Variants in CLTCL1 observed in about 807,000 individuals in gnomAD.
CLTCL1 encodes the protein clathrin heavy chain like 1.
CLTCL1 carries 159 observed loss-of-function variants against 190.0 expected under a neutral mutation model. The ratio of observed to expected loss-of-function variants is 0.84; its 90% confidence interval spans 0.74 to 0.95. The LOEUF (loss-of-function observed/expected upper bound fraction) is 0.95, where lower values mean the gene tolerates loss of function less well. Ranked by LOEUF, CLTCL1 falls within the 40% of genes least tolerant of loss-of-function variation. The pLI, the probability that CLTCL1 is intolerant of heterozygous loss-of-function variation, is 0.00. For synonymous variants in CLTCL1, 752 were observed against 769.6 expected, an observed-to-expected ratio of 0.98 and a Z score of 0.38; for missense variants, 1,878 against 2,033.4, an observed-to-expected ratio of 0.92 and a Z score of 1.47.
chr22:19,291,473 AG>A (rs2088121145), intron 1 of CLTCL1, 126 bp downstream of exon 1: 1 of 873,126 alleles, frequency 1.1e-6, no homozygotes, highest in Non-Finnish European at 1.5e-6. Context: ...CCCAGGTGGG[AG>A]GTCGGAAATC....
intron 18 of CLTCL1, among the ~76,000 whole-genome samples, chr22:19,219,349 G>A (rs2085493671): frequency 6.6e-6 from 1 of 151,384 alleles, no homozygotes; most frequent in African/African-American, 2.4e-5. Flanking sequence ...GCCACACAGT[G>A]TGTTTTCGTA....
intron 18 of CLTCL1, among the ~76,000 whole-genome samples, chr22:19,216,591 TGAA>T (rs1305403638): frequency 2.0e-5 from 3 of 152,232 alleles, no homozygotes; most frequent in Non-Finnish European, 4.4e-5. Flanking sequence ...ACTTCTCTAA[TGAA>T]GACACCGCAG....
intron 24 of CLTCL1, among the ~76,000 whole-genome samples, chr22:19,197,981 GCTCCAGATCTGT>G: frequency 6.6e-6 from 1 of 152,288 alleles, no homozygotes; most frequent in Non-Finnish European, 1.5e-5. Context: ...CCTCTGTGGA[GCTCCAGATCTGT>G]CTCCAGCTGC....
At position 19,229,875 on chromosome 22, in the gene CLTCL1, G is replaced by A. The variant is rs781942303; in HGVS notation, c.1745C>T (p.Thr582Ile). The A allele has an allele frequency of 1.9e-6, 3 of 1,611,768 alleles. No individual in the cohort carries two copies. The highest frequency in any genetic ancestry group is 2.5e-6 in the Non-Finnish European group (3 of 1,179,126). The change falls in exon 11 of 33, where the codon ACA (threonine) becomes ATA (isoleucine). Residue 582 changes from threonine (T) to isoleucine (I), a missense_variant. Thr to Ile is a moderately conservative substitution (Grantham distance 89). Coordinates refer to ENST00000427926, the MANE Select transcript of CLTCL1 (RefSeq NM_007098.4). ...AACAAGGTTCATCTCCAACAGCCAT[G>A]TCTGCAGGAGTCCCTCAGCTGGGCG... ...NNRPAEGLLQTWLLEMNLVHA... is the reference protein window; with the variant it reads ...NNRPAEGLLQIWLLEMNLVHA...
intron 18 of CLTCL1, among the ~76,000 whole-genome samples, chr22:19,217,247 G>A (rs191088337): frequency 4.7e-4 from 72 of 152,272 alleles, no homozygotes; most frequent in Non-Finnish European, 8.4e-4. Flanking sequence ...TGAGGGAAAG[G>A]GGCACCAGGA....
chr22:19,234,642 G>A lies in CLTCL1; in HGVS notation c.1034C>T (p.Pro345Leu). 2 of 1,613,998 alleles carry A rather than the reference G, an allele frequency of 1.2e-6. No individual in the cohort carries two copies. The highest frequency in any genetic ancestry group is 1.7e-6 in the Non-Finnish European group (2 of 1,179,900). ...AACGGCCAAACGCAGACCAAGGTCT[G>A]GATTCTGAAGCACGTTGGTTGCATA... is the stretch of plus-strand genomic sequence containing the variant. The part of the protein sequence containing the change: ...VNYATNVLQN[P>L]DLGLRLAVRS... The change falls in exon 7 of 33, where the codon CCA becomes CTA. Residue 345 changes from proline to leucine, a missense_variant. Physicochemically the swap from Pro to Leu is moderately conservative, Grantham distance 98 (BLOSUM62 -3). Transcript: ENST00000427926.
chr22:19,238,565 T>C, intron 5 of CLTCL1: 1 of 216,212 alleles, frequency 4.6e-6, no homozygotes, highest in Admixed American at 4.2e-5. Flanking sequence ...CTGACATGTG[T>C]TTCTGTTTTA....
intron 9 of CLTCL1, 28 bp from the exon 10 acceptor site, chr22:19,232,626 A>G: frequency 6.3e-7 from 1 of 1,590,946 alleles, no homozygotes; most frequent in Non-Finnish European, 8.6e-7. Flanking sequence ...CCAATCAGGA[A>G]AATCAATGAA....
chr22:19,229,439 A>G (rs1395930017), intron 11 of CLTCL1, among the ~76,000 whole-genome samples: 1 of 152,222 alleles, frequency 6.6e-6, no homozygotes. Context: ...GGAAATGAGG[A>G]GTCACTGCTT....
chr22:19,230,011 G>A, intron 10 of CLTCL1, 36 bp from the exon 11 acceptor site: 1 of 1,524,548 alleles, frequency 6.6e-7, no homozygotes, highest in Non-Finnish European at 8.8e-7. Flanking sequence ...CACTCAGTAT[G>A]TTTTCATTCA....
Position 19,214,808 on chromosome 22 carries a change from G to A in CLTCL1, c.3065+1303C>T, listed in dbSNP as rs5748045. 9.3e-3 allele frequency among the ~76,000 whole-genome samples: 1,418 copies of A among 151,834 alleles called. 33 individuals are homozygous for A. Among genetic ancestry groups the A allele is most frequent in the East Asian group, 0.069 (353 of 5,150 alleles). ...CGATTCTCCCGCCTCAGCCTCCCGA[G>A]TAGCTGGGATTACAGGCACCTGCCA... On this transcript the variant is annotated intron_variant, in intron 19 of 32. Transcript: ENST00000427926.
intron 2 of CLTCL1, among the ~76,000 whole-genome samples, chr22:19,264,842 G>A (rs1405848085): frequency 1.3e-5 from 2 of 151,870 alleles, no homozygotes; most frequent in African/African-American, 4.8e-5. Flanking sequence ...AAGCTGGAGT[G>A]CAATGGGTCG....
rs1555966169 is a variant in CLTCL1, at chr22:19,242,856, A to T, written c.600T>A (p.Ala200=). 6.2e-7 allele frequency: 1 copy of T among 1,613,860 alleles called. No homozygotes were observed. Among genetic ancestry groups the T allele is most frequent in the African/African-American group, 1.3e-5 (1 of 74,896 alleles). The change falls in exon 4 of 33, where the codon GCT becomes GCA. Residue 200 remains alanine, a synonymous_variant. Transcript: ENST00000427926. The part of the protein sequence containing the change: ...VSQPIEGHAA[A]FAEFKMEGNA... ...TCCCCTCCATCTTGAACTCTGCAAAAGCCGCAGCATGGCCTTCTATGGGTT... is the reference window on the plus strand; with the variant it reads ...TCCCCTCCATCTTGAACTCTGCAAATGCCGCAGCATGGCCTTCTATGGGTT...
intron 27 of CLTCL1, among the ~76,000 whole-genome samples, chr22:19,190,036 G>A (rs781803759): frequency 8.5e-5 from 13 of 152,110 alleles, no homozygotes; most frequent in Non-Finnish European, 1.6e-4. Context: ...AACCTCCCGG[G>A]TTCAAGCGAT....
chr22:19,224,154 G>C (rs2085665367), intron 13 of CLTCL1, 100 bp from the exon 14 acceptor site: 1 of 1,201,078 alleles, frequency 8.3e-7, no homozygotes, highest in African/African-American at 1.5e-5. Context: ...CCACTCTCCA[G>C]GGACCCACAG....
chr22:19,187,517 C>G lies in CLTCL1; in HGVS notation c.4605+41G>C, dbSNP rs782352716. 13 of 1,588,142 alleles carry G rather than the reference C, an allele frequency of 8.2e-6. 1 individual carries two copies. The South Asian group carries it at 1.0e-4, about 12-fold the overall frequency. ...CCCCCAAAGCCATCAGGAAACACACCAAGGCAGGAAGGTGGGAGGAAACGG... is the reference window on the plus strand; with the variant it reads ...CCCCCAAAGCCATCAGGAAACACACGAAGGCAGGAAGGTGGGAGGAAACGG... On this transcript the variant is annotated intron_variant, in intron 29 of 32. Coordinates refer to ENST00000427926, the MANE Select transcript of CLTCL1 (RefSeq NM_007098.4).
intron 1 of CLTCL1, among the ~76,000 whole-genome samples, chr22:19,289,489 C>A (rs1186823756): frequency 1.3e-5 from 2 of 152,170 alleles, no homozygotes; most frequent in East Asian, 3.8e-4. Flanking sequence ...AAAAGCCAGA[C>A]TGCAGGTTAC....
In CLTCL1 at chr22:19,222,086, G is replaced by A; in HGVS notation, c.2426C>T (p.Pro809Leu). ...TCCAATCACAGCTGGGGTCCGGCTA[G>A]GGTTGACCTAGGGTAGTCAAGGTCA... ...YIEIYVQKVN[P>L]SRTPAVIGGL... Residue 809 changes from proline to leucine, a missense_variant, in exon 16 of 33, where the codon CCT becomes CTT. Physicochemically the swap from Pro to Leu is moderately conservative, Grantham distance 98. Coordinates refer to ENST00000427926, the MANE Select transcript of CLTCL1 (RefSeq NM_007098.4). 2 of 1,613,944 alleles carry A rather than the reference G, an allele frequency of 1.2e-6. No homozygotes were observed. The highest frequency in any genetic ancestry group is 1.7e-6 in the Non-Finnish European group (2 of 1,179,844).
In CLTCL1 at chr22:19,204,506, C is replaced by T. The variant is rs114897848; in HGVS notation, c.3601-3013G>A. Among the ~76,000 whole-genome samples, 860 of 152,296 alleles carry T rather than the reference C, an allele frequency of 5.6e-3. 10 individuals are homozygous for T. The highest frequency in any genetic ancestry group is 0.019 in the African/African-American group (773 of 41,560). ...CCCGCTTCACTTAGCTCCTTATATTCACCATTTAATAGATCACAGTATTTT... is the reference window on the plus strand; with the variant it reads ...CCCGCTTCACTTAGCTCCTTATATTTACCATTTAATAGATCACAGTATTTT... On this transcript the variant is annotated intron_variant, in intron 22 of 32. Coordinates refer to ENST00000427926, the MANE Select transcript of CLTCL1 (RefSeq NM_007098.4).
Sources: gnomAD v4.1 joint callset for allele counts (sites outside exome capture counted in the v4.1 genomes callset) on GRCh38, gnomAD v4.1.1 for gene constraint, MANE v1.5 for transcripts, NCBI Gene and HGNC (gene_info 2026-07-23, HGNC 2026-07-21) for gene names.